GRIP1: variants seen among roughly 807,000 people sequenced by gnomAD.
The protein encoded by GRIP1 is glutamate receptor-interacting protein 1.
A neutral mutation model predicts 129.9 loss-of-function variants in GRIP1; 45 were observed. That is an observed-to-expected ratio of 0.35 (90% CI 0.27 to 0.44). The LOEUF is 0.44. Among genes scored for constraint, GRIP1 ranks in the 20% least tolerant of loss-of-function variants. The probability of loss-of-function intolerance (pLI) is 1.00; values close to 1 mark genes in which losing one functional copy is unlikely to be tolerated. For missense variants in GRIP1, 1,196 were observed against 1,396.8 expected, an observed-to-expected ratio of 0.86 and a Z score of 2.29; for synonymous variants, 530 against 520.8, an observed-to-expected ratio of 1.02 and a Z score of -0.24.
intron 23 of GRIP1, among the ~76,000 whole-genome samples, chr12:66,362,602 C>G (rs2054842350): frequency 6.6e-6 from 1 of 151,812 alleles, no homozygotes; most frequent in Admixed American, 6.5e-5. Context: ...AGTGAACATT[C>G]TACAGATAAT....
chr12:66,462,736 A>T (rs1301380036), intron 9 of GRIP1, among the ~76,000 whole-genome samples, 188 bp downstream of exon 9: 1 of 138,766 alleles, frequency 7.2e-6, no homozygotes, highest in East Asian at 2.2e-4. Flanking sequence ...CAGGAGGCAG[A>T]GGTTGGAGTC....
chr12:67,057,998 G>A (rs576912953), intron 1 of GRIP1, among the ~76,000 whole-genome samples: 2 of 152,278 alleles, frequency 1.3e-5, no homozygotes, highest in South Asian at 4.2e-4. Flanking sequence ...AGGACAATGT[G>A]AAAATCCTTA....
At chr12:66,694,315 G>A (rs2035079512) in intron 1 of GRIP1, among the ~76,000 whole-genome samples, 1 of 152,054 alleles carries the variant, frequency 6.6e-6, no homozygotes, top group Admixed American at 6.6e-5. Flanking sequence ...GTAGTTTTGA[G>A]TTTTTAAAAA....
intron 1 of GRIP1, among the ~76,000 whole-genome samples, chr12:67,053,265 G>A (rs191091464): frequency 6.6e-6 from 1 of 152,242 alleles, no homozygotes; most frequent in Non-Finnish European, 1.5e-5. Flanking sequence ...CAAAGCTGGG[G>A]GATAAGGAGA....
chr12:66,451,383 G>GTTTGTTTTTTTTTTT (rs2058794233), intron 11 of GRIP1, among the ~76,000 whole-genome samples: 3 of 42,650 alleles, frequency 7.0e-5, no homozygotes, highest in Admixed American at 3.2e-4. Flanking sequence ...ATTATAATCT[G>GTTTGTTTTTTTTTTT]TTTTTTTTTT....
chr12:66,356,812 GCCA>G (rs2054510600), intron 23 of GRIP1, among the ~76,000 whole-genome samples: 1 of 152,136 alleles, frequency 6.6e-6, no homozygotes. Flanking sequence ...TTATGTGATA[GCCA>G]CCACTTCCTA....
At chr12:66,501,758 C>G (rs964310919) in intron 7 of GRIP1, among the ~76,000 whole-genome samples, 1 of 152,142 alleles carries the variant, frequency 6.6e-6, no homozygotes, top group African/African-American at 2.4e-5. Flanking sequence ...AGACATGTTT[C>G]ATTTTAGAAG....
chr12:66,495,920 C>A (rs1385577317), intron 7 of GRIP1, among the ~76,000 whole-genome samples: 1 of 152,136 alleles, frequency 6.6e-6, no homozygotes, highest in Non-Finnish European at 1.5e-5. Context: ...GAGTCCTCGG[C>A]GGCAGGTGAG....
intron 2 of GRIP1, among the ~76,000 whole-genome samples, chr12:66,571,892 A>T (rs1215913557): frequency 6.6e-6 from 1 of 152,188 alleles, no homozygotes; most frequent in Admixed American, 6.5e-5. Flanking sequence ...CAGAGGGTGT[A>T]TTTGAGTGTT....
At chr12:66,979,261 C>T (rs1045888867) in intron 1 of GRIP1, among the ~76,000 whole-genome samples, 1 of 52,240 alleles carries the variant, frequency 1.9e-5, no homozygotes, top group Non-Finnish European at 4.0e-5. Flanking sequence ...AAAACAAGCC[C>T]GTCATCCTGC....
chr12:66,443,773 C>A (rs139659635), intron 13 of GRIP1, among the ~76,000 whole-genome samples: 2 of 152,044 alleles, frequency 1.3e-5, no homozygotes, highest in African/African-American at 4.8e-5. Flanking sequence ...ATATTCTTGA[C>A]CCCCTACTGC....
At chr12:66,849,888 T>C (rs1324296280) in intron 1 of GRIP1, among the ~76,000 whole-genome samples, 1 of 152,154 alleles carries the variant, frequency 6.6e-6, no homozygotes, top group Admixed American at 6.6e-5. Context: ...AGAAAGCACA[T>C]GAATAGGAGC....
At chr12:66,473,836 A>T (rs989306850) in intron 7 of GRIP1, among the ~76,000 whole-genome samples, 1 of 152,198 alleles carries the variant, frequency 6.6e-6, no homozygotes, top group Non-Finnish European at 1.5e-5. Context: ...GGTCACCAAC[A>T]TCAAAGACCA....
In GRIP1 at chr12:66,658,277, C is replaced by T. The variant is rs529308452; in HGVS notation, c.55+20573G>A. The stretch of plus-strand genomic sequence containing the variant: ...CTTTGAGAACTTAATGCAACCTAAG[C>T]TAACCGTAGGTTTGGGATGAGGACT... On this transcript the variant is annotated intron_variant, in intron 1 of 24. Transcript: ENST00000359742. Among the ~76,000 whole-genome samples, 33 of 152,308 alleles carry T rather than the reference C, an allele frequency of 2.2e-4. No individual in the cohort carries two copies. In the South Asian group the frequency reaches 6.8e-3, roughly 32 times the overall value.
chr12:66,908,435 T>G (rs1207838534), intron 1 of GRIP1, among the ~76,000 whole-genome samples: 1 of 152,206 alleles, frequency 6.6e-6, no homozygotes, highest in Non-Finnish European at 1.5e-5. Context: ...AAAGGATAAG[T>G]GCTGAAAATG....
At chr12:66,982,612 G>A (rs919858278) in intron 1 of GRIP1, among the ~76,000 whole-genome samples, 2 of 152,176 alleles carry the variant, frequency 1.3e-5, no homozygotes, top group African/African-American at 4.8e-5. Context: ...CAGCAAGTGA[G>A]AAACTGCAGC....
chr12:66,366,460 C>A (rs1339902906), intron 23 of GRIP1, among the ~76,000 whole-genome samples: 1 of 152,074 alleles, frequency 6.6e-6, no homozygotes, highest in African/African-American at 2.4e-5. Flanking sequence ...GGGGAAAAGG[C>A]GATGGTAGCA....
At chr12:66,607,319 C>T (rs2064582672) in intron 1 of GRIP1, among the ~76,000 whole-genome samples, 1 of 152,178 alleles carries the variant, frequency 6.6e-6, no homozygotes. Flanking sequence ...AAGCTCCAAG[C>T]ATTTTAGAAG....
intron 1 of GRIP1, among the ~76,000 whole-genome samples, chr12:66,723,968 GT>G (rs2036175038): frequency 1.3e-5 from 2 of 152,162 alleles, no homozygotes; most frequent in South Asian, 4.1e-4. Context: ...CAGAAATGGT[GT>G]TTGTAGAAAT....
Sources: gnomAD v4.1 joint callset for allele counts (sites outside exome capture counted in the v4.1 genomes callset) on GRCh38, gnomAD v4.1.1 for gene constraint, MANE v1.5 for transcripts, NCBI Gene and HGNC (gene_info 2026-07-23, HGNC 2026-07-21) for gene names.